The following HDAC9 variants were observed in gnomAD, a reference collection of about 807,000 sequenced individuals.
HDAC9 encodes the protein MEF-2 interacting transcription repressor (MITR) protein.
Under a neutral mutation model 139.4 loss-of-function variants are expected in HDAC9, and 41 were observed. The ratio of observed to expected loss-of-function variants is 0.29; its 90% CI spans 0.23 to 0.38. The LOEUF (loss-of-function observed/expected upper bound fraction) is 0.38, where lower values mean the gene tolerates loss of function less well. Ranked by LOEUF, HDAC9 falls within the 10% of genes least tolerant of loss-of-function variation. The probability of loss-of-function intolerance (pLI) is 1.00; values close to 1 mark genes in which losing one functional copy is unlikely to be tolerated. For synonymous variants in HDAC9, 517 were observed against 476.2 expected (o/e 1.09, Z -1.12); for missense variants, 1,147 against 1,297.0 (o/e 0.88, Z 1.78).
chr7:18,496,236 C>T (rs766130388), intron 1 of HDAC9, 26 bp from the exon 2 acceptor site: 13 of 1,610,718 alleles, frequency 8.1e-6, no homozygotes, highest in South Asian at 1.1e-5. Flanking sequence ...AGACAATTTA[C>T]GAGAGTGACT....
chr7:18,094,671 G>A (rs1263657511), intron 1 of HDAC9, among the ~76,000 whole-genome samples: 1 of 151,900 alleles, frequency 6.6e-6, no homozygotes, highest in African/African-American at 2.4e-5. Flanking sequence ...GCCCAGAGTG[G>A]TCTTGTACTC....
intron 2 of HDAC9, among the ~76,000 whole-genome samples, chr7:18,173,488 T>C (rs1251218183): frequency 6.6e-6 from 1 of 152,188 alleles, no homozygotes; most frequent in Non-Finnish European, 1.5e-5. Flanking sequence ...TATTTGATCC[T>C]GTCATTATGA....
chr7:18,996,803 A>G lies in HDAC9; in HGVS notation c.*741A>G, dbSNP rs1786491490. On this transcript the variant is annotated 3_prime_UTR_variant, in exon 26 of 26. Transcript: ENST00000686413. ...TGTTCTCACACACAGGCAATTTGCA[A>G]TGTTGCAATTGTGTTGGAGAATGAA... 3 of 152,138 alleles carry G rather than the reference A, an allele frequency of 2.0e-5. No individual in the cohort carries two copies. Among genetic ancestry groups the G allele is most frequent in the Admixed American group, 6.5e-5 (1 of 15,270 alleles). The allele number at this position is 152,138 out of a possible 1,614,324, so 9.4% of individuals were successfully genotyped here. A position where few individuals can be genotyped will look rare whatever the true frequency, so the allele number is the denominator to read the frequency against.
intron 16 of HDAC9, among the ~76,000 whole-genome samples, chr7:18,787,903 A>G (rs554744154): frequency 6.6e-6 from 1 of 152,066 alleles, no homozygotes; most frequent in Non-Finnish European, 1.5e-5. Context: ...CTTTCAGTTT[A>G]GAAATACTGT....
intron 1 of HDAC9, among the ~76,000 whole-genome samples, chr7:18,345,864 T>C (rs1399764963): frequency 6.6e-6 from 1 of 151,992 alleles, no homozygotes; most frequent in Non-Finnish European, 1.5e-5. Flanking sequence ...GCCTCTGGCA[T>C]GCATTAGAGT....
At chr7:18,236,746 T>C (rs1200538022) in intron 2 of HDAC9, among the ~76,000 whole-genome samples, 1 of 152,076 alleles carries the variant, frequency 6.6e-6, no homozygotes, top group Admixed American at 6.6e-5. Flanking sequence ...TGTACGGCTG[T>C]GGGGGTGGGG....
chr7:18,180,253 A>ACCCC (rs1185960244), intron 2 of HDAC9, among the ~76,000 whole-genome samples: 1 of 150,782 alleles, frequency 6.6e-6, no homozygotes, highest in African/African-American at 2.5e-5. Flanking sequence ...ACACACACAC[A>ACCCC]CACACACACA....
At chr7:18,932,525 C>T (rs932636499) in intron 22 of HDAC9, among the ~76,000 whole-genome samples, 1 of 152,084 alleles carries the variant, frequency 6.6e-6, no homozygotes, top group Non-Finnish European at 1.5e-5. Flanking sequence ...ATACCAAAAT[C>T]TCCAATCGGT....
At chr7:18,888,578 C>T (rs1800383843) in intron 22 of HDAC9, among the ~76,000 whole-genome samples, 1 of 152,194 alleles carries the variant, frequency 6.6e-6, no homozygotes. Flanking sequence ...GTGTCTATAT[C>T]CTATCGACCT....
chr7:18,285,186 ATGTT>A (rs1278798513), intron 2 of HDAC9, among the ~76,000 whole-genome samples: 1 of 152,056 alleles, frequency 6.6e-6, no homozygotes, highest in Non-Finnish European at 1.5e-5. Context: ...TGGCAAGTGT[ATGTT>A]TGGGTTCTAA....
At chr7:18,931,101 G>A (rs1447541408) in intron 22 of HDAC9, among the ~76,000 whole-genome samples, 1 of 152,088 alleles carries the variant, frequency 6.6e-6, no homozygotes, top group Non-Finnish European at 1.5e-5. Flanking sequence ...TACAGAAAAA[G>A]CGGTCTAGAA....
chr7:18,311,143 C>G (rs1436397352), intron 1 of HDAC9, among the ~76,000 whole-genome samples: 3 of 151,844 alleles, frequency 2.0e-5, no homozygotes, highest in African/African-American at 7.3e-5. Context: ...GTTTTTATAA[C>G]AAGGATTCTG....
At chr7:18,215,823 C>T (rs886715876) in intron 2 of HDAC9, among the ~76,000 whole-genome samples, 8 of 152,086 alleles carry the variant, frequency 5.3e-5, no homozygotes, top group African/African-American at 1.9e-4. Flanking sequence ...GTTATATACC[C>T]TTGGGCACCA....
intron 1 of HDAC9, among the ~76,000 whole-genome samples, chr7:18,412,528 A>G (rs1346737098): frequency 3.9e-5 from 6 of 152,284 alleles, no homozygotes; most frequent in Non-Finnish European, 8.8e-5. Flanking sequence ...ATTTAGTGCC[A>G]TAGGAATCCT....
In HDAC9 at chr7:18,374,230, T is replaced by C. The variant is rs1057115433; in HGVS notation, c.-42+83715T>C. Among the ~76,000 whole-genome samples, 8 of 150,918 alleles carry C rather than the reference T, an allele frequency of 5.3e-5. No homozygotes were observed. The East Asian group carries it at 5.9e-4, about 11-fold the overall frequency. On this transcript the variant is annotated intron_variant, in intron 1 of 3. Transcript: ENST00000413509. The stretch of plus-strand genomic sequence containing the variant: ...ATATATATATATATACACACACACA[T>C]ATATAGGTACAGTTTAGAAGTTATA...
intron 2 of HDAC9, among the ~76,000 whole-genome samples, chr7:18,193,989 A>C (rs1224845419): frequency 6.6e-6 from 1 of 152,232 alleles, no homozygotes; most frequent in Non-Finnish European, 1.5e-5. Context: ...AAGCAGTTAC[A>C]GCATCAGGGA....
chr7:18,992,267 G>T (rs1293421248), intron 25 of HDAC9, among the ~76,000 whole-genome samples: 1 of 152,160 alleles, frequency 6.6e-6, no homozygotes, highest in East Asian at 1.9e-4. Flanking sequence ...ATTATTGGGA[G>T]AATGAATAGT....
At chr7:18,308,600 A>T (rs1799087677) in intron 1 of HDAC9, among the ~76,000 whole-genome samples, 1 of 152,154 alleles carries the variant, frequency 6.6e-6, no homozygotes, top group Admixed American at 6.5e-5. Context: ...AAAATATATT[A>T]GGTGTGTCTG....
At chr7:18,554,297 T>A (rs956671617) in intron 2 of HDAC9, among the ~76,000 whole-genome samples, 4 of 148,910 alleles carry the variant, frequency 2.7e-5, no homozygotes, top group Non-Finnish European at 4.5e-5. Context: ...GTTAGTTGCC[T>A]CTGTGTACAC....
Sources: allele counts gnomAD v4.1 joint callset (sites outside exome capture counted in the v4.1 genomes callset), GRCh38; gene constraint gnomAD v4.1.1; transcripts MANE v1.5; gene names NCBI Gene and HGNC (gene_info 2026-07-23, HGNC 2026-07-21).